Variants in SPATA9 observed in about 807,000 individuals in gnomAD.
SPATA9 encodes the protein spermatogenesis associated 9.
In SPATA9, 27 loss-of-function variants were observed where a neutral mutation model predicts 25.5. That is an observed-to-expected ratio of 1.06 (90% CI 0.78 to 1.46). The LOEUF is 1.46. Ranked by LOEUF, SPATA9 falls within the 40% of genes most tolerant of loss-of-function variation. The pLI, the probability that SPATA9 is intolerant of heterozygous loss-of-function variation, is 0.00. For missense variants in SPATA9, 282 were observed against 297.5 expected (o/e 0.95, Z 0.38); for synonymous variants, 102 against 105.7 (o/e 0.97, Z 0.21).
At chr5:95,665,023 CAGT>C (rs1291756665) in intron 3 of SPATA9, among the ~76,000 whole-genome samples, 1 of 152,168 alleles carries the variant, frequency 6.6e-6, no homozygotes, top group African/African-American at 2.4e-5. Flanking sequence ...TATATCCACT[CAGT>C]GGTATATTAT....
the SPATA9 span, among the ~76,000 whole-genome samples, chr5:95,729,979 A>G: frequency 6.6e-6 from 1 of 152,190 alleles, no homozygotes. Context: ...TATATTTTCT[A>G]TTAACCCAAG....
At chr5:95,703,363 G>C (rs780964609), upstream of SPATA9, among the ~76,000 whole-genome samples, 12 of 152,190 alleles carry the variant, frequency 7.9e-5, no homozygotes, top group Non-Finnish European at 1.8e-4. Flanking sequence ...GCCAGGCACA[G>C]TGGTTTATGC....
the SPATA9 span, among the ~76,000 whole-genome samples, chr5:95,711,718 C>G: frequency 6.6e-6 from 1 of 152,180 alleles, no homozygotes; most frequent in Non-Finnish European, 1.5e-5. Flanking sequence ...GGAGCCGAAC[C>G]GGCAGAGGGT....
the SPATA9 span, among the ~76,000 whole-genome samples, chr5:95,716,172 A>C: frequency 5.9e-5 from 9 of 152,218 alleles, no homozygotes; most frequent in African/African-American, 2.2e-4. Flanking sequence ...AGGTGTGAGA[A>C]GAGGGCTGCC....
chr5:95,654,048 T>G, downstream of SPATA9: 1 of 1,602,266 alleles, frequency 6.2e-7, no homozygotes, highest in South Asian at 1.1e-5. Flanking sequence ...TTTCCTTCTT[T>G]ATGTTCAACT....
At position 95,682,919 on chromosome 5, in the gene SPATA9, G is replaced by T; in HGVS notation, c.-65C>A. 7.0e-7 allele frequency: 1 copy of T among 1,430,356 alleles called. No homozygotes were observed. The highest frequency in any genetic ancestry group is 1.9e-5 in the South Asian group (1 of 51,942). The allele number at this position is 1,430,356 out of a possible 1,614,324, so 88.6% of individuals were successfully genotyped here. ...GCAGGCCTGGGTAATGCTTGTCCTA[G>T]TCTGCCATTAGTGAAAGATGAGGGT... On this transcript the variant is annotated 5_prime_UTR_variant, in exon 1 of 5. Coordinates refer to ENST00000274432, the MANE Select transcript of SPATA9 (RefSeq NM_031952.4).
In SPATA9 at chr5:95,664,920, CA is replaced by C. The variant is rs200313195; in HGVS notation, c.379-873del. On this transcript the variant is annotated intron_variant, in intron 3 of 4. Transcript: ENST00000274432. ...GACAACGTTCATTAAAGAGTTATAA[CA>C]TTGAAAAAACTAAAACAATGATCGT... Among the ~76,000 whole-genome samples, 244 of 152,128 alleles carry C rather than the reference CA, an allele frequency of 1.6e-3. 2 individuals are homozygous for C. In the East Asian group the frequency reaches 0.021, roughly 13 times the overall value.
At chr5:95,667,327 G>A (rs1751912324) in intron 3 of SPATA9, among the ~76,000 whole-genome samples, 1 of 145,208 alleles carries the variant, frequency 6.9e-6, no homozygotes, top group African/African-American at 2.6e-5. Flanking sequence ...GGGGGGTGGG[G>A]GTGCTGGGGG....
chr5:95,658,746 C>G lies in SPATA9; in HGVS notation c.642G>C (p.Arg214Ser). 4 of 1,613,826 alleles carry G rather than the reference C, an allele frequency of 2.5e-6. No individual in the cohort carries two copies. Among genetic ancestry groups the G allele is most frequent in the Non-Finnish European group, 3.4e-6 (4 of 1,179,870 alleles). The change falls in exon 5 of 5, where the codon AGG (arginine) becomes AGC (serine). Residue 214 changes from arginine to serine, a missense_variant. Coordinates refer to ENST00000274432, the MANE Select transcript of SPATA9 (RefSeq NM_031952.4). ...AAATGTCTGGCTTCTCCGGCAATGA[C>G]CTATAAGGTTTTGCTTTGATTTCAC... ...AEGEIKAKPY[R>S]SLPEKPDISD...
At chr5:95,702,340 A>G (rs937629935), upstream of SPATA9, among the ~76,000 whole-genome samples, 1 of 152,212 alleles carries the variant, frequency 6.6e-6, no homozygotes, top group Non-Finnish European at 1.5e-5. Flanking sequence ...TGATTTGGAA[A>G]TATCCATCAA....
At chr5:95,728,032 G>A in the SPATA9 span, among the ~76,000 whole-genome samples, 1 of 152,224 alleles carries the variant, frequency 6.6e-6, no homozygotes, top group Non-Finnish European at 1.5e-5. Context: ...AGAGAATGGA[G>A]AGACACACTT....
At chr5:95,693,888 G>A (rs1478401929) in intron 1 of SPATA9, among the ~76,000 whole-genome samples, 1 of 152,186 alleles carries the variant, frequency 6.6e-6, no homozygotes, top group Non-Finnish European at 1.5e-5. Flanking sequence ...GTCCAGACCA[G>A]GTGGTTCACA....
At chr5:95,677,771 A>G (rs1006867835) in intron 2 of SPATA9, among the ~76,000 whole-genome samples, 6 of 152,230 alleles carry the variant, frequency 3.9e-5, no homozygotes, top group African/African-American at 1.4e-4. Context: ...GATAACAGAA[A>G]AAAGATATAT....
At chr5:95,654,311 G>A (rs374966926), downstream of SPATA9, 170 of 1,608,608 alleles carry the variant, frequency 1.1e-4, 1 homozygote, top group Middle Eastern at 1.3e-3. Context: ...GTGACTGCAG[G>A]TAATATTCAA....
At chr5:95,711,891 G>A in the SPATA9 span, among the ~76,000 whole-genome samples, 1 of 152,222 alleles carries the variant, frequency 6.6e-6, no homozygotes, top group African/African-American at 2.4e-5. Flanking sequence ...CCGCCACACG[G>A]CTTGAACAAT....
At chr5:95,723,714 C>A in the SPATA9 span, among the ~76,000 whole-genome samples, 1 of 152,182 alleles carries the variant, frequency 6.6e-6, no homozygotes, top group African/African-American at 2.4e-5. Flanking sequence ...TTTTCCCTAT[C>A]TCTCCTTTAC....
At chr5:95,690,527 G>A (rs4618450) in intron 1 of SPATA9, among the ~76,000 whole-genome samples, 31,762 of 152,076 alleles carry the variant, frequency 0.21, 3,895 homozygotes, top group African/African-American at 0.35. Context: ...GCCAGCTTGA[G>A]CTGGTTCCTA....
chr5:95,679,782 TAG>T (rs1396719274), intron 2 of SPATA9, among the ~76,000 whole-genome samples: 1 of 152,276 alleles, frequency 6.6e-6, no homozygotes, highest in Non-Finnish European at 1.5e-5. Flanking sequence ...TTATACCATC[TAG>T]GAGTCCATTC....
the SPATA9 span, among the ~76,000 whole-genome samples, chr5:95,720,508 A>T: frequency 1.3e-5 from 2 of 152,214 alleles, no homozygotes; most frequent in Admixed American, 1.3e-4. Flanking sequence ...AGTTACTAAT[A>T]GTGTACAATT....
Sources: allele counts gnomAD v4.1 joint callset (sites outside exome capture counted in the v4.1 genomes callset), GRCh38; gene constraint gnomAD v4.1.1; transcripts MANE v1.5; gene names NCBI Gene and HGNC (gene_info 2026-07-23, HGNC 2026-07-21).